ATP5F1A: variants seen among roughly 807,000 people sequenced by gnomAD.
ATP5F1A encodes ATP synthase F(1) complex subunit alpha, mitochondrial.
A neutral mutation model predicts 57.4 loss-of-function variants in ATP5F1A; 24 were observed. That is an observed-to-expected ratio of 0.42 (90% CI 0.30 to 0.59). ATP5F1A has a LOEUF of 0.59. Ranked by LOEUF, ATP5F1A falls within the 20% of genes least tolerant of loss-of-function variation. ATP5F1A has a pLI of 0.19. For synonymous variants in ATP5F1A, 251 were observed against 255.5 expected (o/e 0.98, Z 0.17); for missense variants, 494 against 707.9 (o/e 0.70, Z 3.43).
At position 46,083,984 on chromosome 18, in the gene ATP5F1A, CA is replaced by C. The variant is rs750591064; in HGVS notation, c.*297del. ...TCAGTGACAGAGTGAGAATCAGTCT[CA>C]AAAAAAAAAACAAAAAAAAAACTTA... On this transcript the variant is annotated 3_prime_UTR_variant, in exon 12 of 12. Transcript: ENST00000398752. The C allele has an allele frequency of 2.1e-3, 229 of 110,642 alleles. No homozygotes were observed. The highest frequency in any genetic ancestry group is 4.4e-3 in the South Asian group (19 of 4,280). The allele number at this position is 110,642 out of a possible 1,614,324, so 6.9% of individuals were successfully genotyped here.
intron 1 of ATP5F1A, among the ~76,000 whole-genome samples, chr18:46,096,020 C>G (rs963050632): frequency 2.0e-5 from 3 of 151,808 alleles, no homozygotes; most frequent in Non-Finnish European, 4.4e-5. Context: ...TCCTGAGTAG[C>G]TGGGACTACA....
chr18:46,087,651 C>T lies in ATP5F1A; in HGVS notation c.800-159G>A, dbSNP rs551473965. ...TCCCAGCACTTTGGGAGGCCCTAGG[C>T]GGGTGATCACCTGAGGTCAGGAGTT... On this transcript the variant is annotated intron_variant, in intron 6 of 11. Transcript: ENST00000398752. The T allele has an allele frequency of 1.1e-3, 832 of 789,272 alleles. 5 individuals carry two copies. The highest frequency in any genetic ancestry group is 1.2e-3 in the Non-Finnish European group (594 of 502,586). 48.9% of individuals were successfully genotyped at this position (789,272 alleles called of 1,614,324 possible).
rs1910370485 is a variant in ATP5F1A at position 46,089,323 on chromosome 18, A to T, written c.650+243T>A. The T allele has an allele frequency of 8.7e-6, 4 of 459,656 alleles. No individual in the cohort carries two copies. The South Asian group carries it at 1.3e-4, about 14-fold the overall frequency. 28.5% of individuals were successfully genotyped at this position (459,656 alleles called of 1,614,324 possible). ...CATCTGGTGCCCAACATGGGGCTCA[A>T]ACCCACGACCCTGGGATTAAGAGTC... On this transcript the variant is annotated intron_variant, in intron 5 of 11. Transcript: ENST00000398752.
intron 10 of ATP5F1A, chr18:46,085,598 C>G (rs1338888794): frequency 6.4e-6 from 1 of 155,800 alleles, no homozygotes; most frequent in Non-Finnish European, 1.4e-5. Context: ...CACTGCACTC[C>G]AGCCTGGGTG....
At chr18:46,094,853 T>TA in intron 2 of ATP5F1A, 200 bp downstream of exon 2, 1 of 779,246 alleles carries the variant, frequency 1.3e-6, no homozygotes, top group Middle Eastern at 4.4e-4. Flanking sequence ...AAAAGAAAAA[T>TA]ATGTAACAGT....
rs756880980 is a variant in ATP5F1A at position 46,089,732 on chromosome 18, C to T, written c.484G>A (p.Gly162Ser). ...CTACGCGTCTTGGAACCAATTGGACCCTGTTAAAAAATAAAAAGAAAAACC... is the reference window on the plus strand; with the variant it reads ...CTACGCGTCTTGGAACCAATTGGACTCTGTTAAAAAATAAAAAGAAAAACC... ...DALGNAIDGK[G>S]PIGSKTRRRV... The change falls in exon 5 of 12, where the codon GGT becomes AGT. Residue 162 changes from glycine (G) to serine (S), a missense_variant and splice_region_variant. Transcript: ENST00000398752. 25 of 1,612,986 alleles carry T rather than the reference C, an allele frequency of 1.5e-5. No individual in the cohort carries two copies. Among genetic ancestry groups the T allele is most frequent in the South Asian group, 7.7e-5 (7 of 90,872 alleles).
At chr18:46,101,223 G>A (rs1367645376), upstream of ATP5F1A, among the ~76,000 whole-genome samples, 1 of 152,042 alleles carries the variant, frequency 6.6e-6, no homozygotes, top group African/African-American at 2.4e-5. Context: ...GGGATGACAA[G>A]AATGACCCAA....
rs771203511 is a variant in ATP5F1A at position 46,090,008 on chromosome 18, A to C, written c.310-12T>G. ...TTCAAGGACATACCCTGCACAAAAG[A>C]CACAATTGAACATCAATGAAGCTGA... On this transcript the variant is annotated splice_polypyrimidine_tract_variant and intron_variant, in intron 3 of 11. Coordinates refer to ENST00000398752, the MANE Select transcript of ATP5F1A (RefSeq NM_004046.6). 1 of 1,565,146 alleles carries C rather than the reference A, an allele frequency of 6.4e-7. No homozygotes were observed. The highest frequency in any genetic ancestry group is 8.6e-7 in the Non-Finnish European group (1 of 1,157,364).
intron 1 of ATP5F1A, among the ~76,000 whole-genome samples, chr18:46,103,594 AAC>A (rs1911355102): frequency 7.6e-6 from 1 of 131,444 alleles, no homozygotes; most frequent in Non-Finnish European, 1.6e-5. Flanking sequence ...CAGCCTGAAC[AAC>A]AGAGACTCCA....
intron 8 of ATP5F1A, 181 bp from the exon 9 acceptor site, chr18:46,086,675 G>A: frequency 4.8e-6 from 3 of 621,482 alleles, no homozygotes; most frequent in South Asian, 2.0e-5. Context: ...ATGTGCATGA[G>A]ATGAGAAAAA....
intron 2 of ATP5F1A, among the ~76,000 whole-genome samples, chr18:46,092,794 A>T (rs567117280): frequency 2.0e-5 from 3 of 151,934 alleles, no homozygotes; most frequent in Non-Finnish European, 4.4e-5. Context: ...AATTTCTAAG[A>T]AATCTGTAAC....
At chr18:46,086,926 G>C (rs1238195681) in intron 8 of ATP5F1A, 82 bp downstream of exon 8, 1 of 1,421,428 alleles carries the variant, frequency 7.0e-7, no homozygotes, top group African/African-American at 1.4e-5. Context: ...TAGCAAATCA[G>C]TCAATATACC....
intron 3 of ATP5F1A, among the ~76,000 whole-genome samples, chr18:46,091,284 AAT>A (rs1430433915): frequency 6.6e-6 from 1 of 152,238 alleles, no homozygotes; most frequent in East Asian, 1.9e-4. Flanking sequence ...GCCTTTGAAC[AAT>A]ATGTCTACTC....
chr18:46,086,117 C>T lies in ATP5F1A; in HGVS notation c.1425G>A (p.Gln475=). Residue 475 remains glutamine (Q), a synonymous_variant, in exon 10 of 12, where the codon CAG becomes CAA. Coordinates refer to ENST00000398752, the MANE Select transcript of ATP5F1A (RefSeq NM_004046.6). ...ATGAAGAAAAGAACAACTTACAATACTGTCCTTGCTTCAGCAACTCAGTTA... is the reference window on the plus strand; with the variant it reads ...ATGAAGAAAAGAACAACTTACAATATTGTCCTTGCTTCAGCAACTCAGTTA... ...VRLTELLKQG[Q]YSPMAIEEQV... 1.2e-6 allele frequency: 2 copies of T among 1,611,966 alleles called. No individual in the cohort carries two copies. Among genetic ancestry groups the T allele is most frequent in the Non-Finnish European group, 1.7e-6 (2 of 1,179,930 alleles).
intron 3 of ATP5F1A, among the ~76,000 whole-genome samples, chr18:46,090,846 T>G (rs1198189071): frequency 6.6e-6 from 1 of 152,246 alleles, no homozygotes; most frequent in African/African-American, 2.4e-5. Context: ...AGATGTATTC[T>G]CATCACTGCA....
At chr18:46,095,340 G>A (rs180729769) in intron 1 of ATP5F1A, among the ~76,000 whole-genome samples, 2 of 152,170 alleles carry the variant, frequency 1.3e-5, no homozygotes, top group East Asian at 1.9e-4. Context: ...GTAAACACTC[G>A]CATATTTTTA....
At chr18:46,099,087 G>A (rs1334848372), upstream of ATP5F1A, among the ~76,000 whole-genome samples, 1 of 151,956 alleles carries the variant, frequency 6.6e-6, no homozygotes, top group Non-Finnish European at 1.5e-5. Context: ...CATGTATTCC[G>A]GAACTTTAAA....
rs765885659 is a variant in ATP5F1A, at chr18:46,091,669, T to G, written c.309+13A>C. The G allele has an allele frequency of 6.4e-7, 1 of 1,566,472 alleles. No individual in the cohort carries two copies. Among genetic ancestry groups the G allele is most frequent in the Non-Finnish European group, 8.6e-7 (1 of 1,160,086 alleles). On this transcript the variant is annotated intron_variant, in intron 3 of 11. Transcript: ENST00000398752. ...TAGATCCTAAAACACCAAAATCTTATTTTATAATTTACCTTTAAGCCTGAA... is the reference window on the plus strand; with the variant it reads ...TAGATCCTAAAACACCAAAATCTTAGTTTATAATTTACCTTTAAGCCTGAA...
upstream of ATP5F1A, chr18:46,098,362 A>AGGGGGGGGGGGGGGGG: frequency 3.9e-6 from 5 of 1,281,382 alleles, no homozygotes; most frequent in Non-Finnish European, 5.0e-6. Flanking sequence ...CCTCGCGTTC[A>AGGGGGGGGGGGGGGGG]CCACCTCTCC....
Sources: gnomAD v4.1 joint callset for allele counts (sites outside exome capture counted in the v4.1 genomes callset) on GRCh38, gnomAD v4.1.1 for gene constraint, MANE v1.5 for transcripts, NCBI Gene and HGNC (gene_info 2026-07-23, HGNC 2026-07-21) for gene names.